The following CCDC15 variants were observed in gnomAD, a reference collection of about 807,000 sequenced individuals.
CCDC15 encodes the protein coiled-coil domain-containing protein 15.
CCDC15 carries 105 observed loss-of-function variants against 114.5 expected under a neutral mutation model. That is an observed-to-expected ratio of 0.92 (90% CI 0.78 to 1.08). The LOEUF is 1.08. Ranked by LOEUF, CCDC15 falls within the 50% of genes least tolerant of loss-of-function variation. The probability of loss-of-function intolerance (pLI) is 0.00; values close to 1 mark genes in which losing one functional copy is unlikely to be tolerated. For synonymous variants in CCDC15, 334 were observed against 377.8 expected (o/e 0.88, Z 1.34); for missense variants, 1,105 against 1,093.6 (o/e 1.01, Z -0.15).
rs1230205532 is a variant in CCDC15 at position 124,959,943 on chromosome 11, T to C, written c.456T>C (p.Pro152=). 3.8e-6 allele frequency: 6 copies of C among 1,585,202 alleles called. No individual in the cohort carries two copies. The highest frequency in any genetic ancestry group is 5.2e-6 in the Non-Finnish European group (6 of 1,163,792). ...GSSRLPPSLM[P]GDGIEDEENQ... ...CTAGGTTACCTCCTTCCCTGATGCCTGGGGATGGAATAGAGGATGAAGAGA... is the reference window on the plus strand; with the variant it reads ...CTAGGTTACCTCCTTCCCTGATGCCCGGGGATGGAATAGAGGATGAAGAGA... Residue 152 remains proline, a synonymous_variant, in exon 4 of 16, where the codon CCT becomes CCC. Coordinates refer to ENST00000344762, the MANE Select transcript of CCDC15 (RefSeq NM_025004.3).
chr11:125,009,914 C>T (rs1436278780), intron 13 of CCDC15, among the ~76,000 whole-genome samples: 1 of 152,116 alleles, frequency 6.6e-6, no homozygotes, highest in Admixed American at 6.5e-5. Flanking sequence ...CTGATGGGCA[C>T]CTAGGTTGAT....
At position 124,988,057 on chromosome 11, in the gene CCDC15, A is replaced by G; in HGVS notation, c.1831A>G (p.Arg611Gly). ...ATGTCAGGACCGGGATTTTCTACCC[A>G]GAGACCTGCATGTTCTCTCCAACGA... ...PICQDRDFLP[R>G]DLHVLSNDQN... The change falls in exon 8 of 16, where the codon AGA (arginine) becomes GGA (glycine). Residue 611 changes from arginine (R) to glycine (G), a missense_variant. Physicochemically the swap from Arg to Gly is moderately radical, Grantham distance 125. Coordinates refer to ENST00000344762, the MANE Select transcript of CCDC15 (RefSeq NM_025004.3). The G allele has an allele frequency of 4.3e-6, 7 of 1,614,042 alleles. No individual in the cohort carries two copies. Among genetic ancestry groups the G allele is most frequent in the Non-Finnish European group, 5.9e-6 (7 of 1,179,886 alleles).
chr11:124,977,624 G>A, intron 6 of CCDC15, 24 bp downstream of exon 6: 2 of 1,592,326 alleles, frequency 1.3e-6, no homozygotes, highest in South Asian at 2.3e-5. Flanking sequence ...AAAAGTAGAG[G>A]GGAAAGACAT....
At chr11:124,965,288 G>T (rs532481221) in intron 4 of CCDC15, among the ~76,000 whole-genome samples, 1 of 152,194 alleles carries the variant, frequency 6.6e-6, no homozygotes, top group African/African-American at 2.4e-5. Flanking sequence ...TTTTTGGTTG[G>T]TAGGCTATTA....
intron 13 of CCDC15, among the ~76,000 whole-genome samples, chr11:125,036,319 A>G (rs1948773964): frequency 1.4e-5 from 1 of 70,366 alleles, no homozygotes; most frequent in Admixed American, 1.2e-4. Context: ...CTGGCCTGCA[A>G]GGCTTCCACT....
intron 11 of CCDC15, among the ~76,000 whole-genome samples, chr11:124,994,508 T>G (rs1411138911): frequency 6.6e-6 from 1 of 152,214 alleles, no homozygotes; most frequent in East Asian, 1.9e-4. Flanking sequence ...TAGATGTATT[T>G]TTATAAAAGG....
intron 13 of CCDC15, among the ~76,000 whole-genome samples, chr11:125,037,249 C>T (rs911861386): frequency 3.9e-5 from 6 of 152,094 alleles, no homozygotes; most frequent in Non-Finnish European, 5.9e-5. Context: ...AGTGTTTATT[C>T]CCTACTGCTC....
At chr11:124,955,035 T>C in intron 2 of CCDC15, 126 bp downstream of exon 2, 2 of 846,302 alleles carry the variant, frequency 2.4e-6, no homozygotes, top group Non-Finnish European at 3.6e-6. Flanking sequence ...ATAAATAGTT[T>C]ATGCTCTTGC....
In CCDC15 at chr11:124,977,545, AG is replaced by A; in HGVS notation, c.700del (p.Val234SerfsTer6). ...GGAATAAGAGGAGAGTTGCCCATTA[AG>A]GTCCATCAAGGTCTTTTAGCTGCTG... is the stretch of plus-strand genomic sequence containing the variant. The part of the protein sequence containing the change: ...NTGIRGELPI[K>X]VHQGLLAAVP... On this transcript the variant is annotated frameshift_variant, in exon 6 of 16. Coordinates refer to ENST00000344762, the MANE Select transcript of CCDC15 (RefSeq NM_025004.3). LOFTEE classifies it high-confidence loss of function. 1 of 1,609,274 alleles carries A rather than the reference AG, an allele frequency of 6.2e-7. No homozygotes were observed. Among genetic ancestry groups the A allele is most frequent in the Non-Finnish European group, 8.5e-7 (1 of 1,177,576 alleles).
intron 12 of CCDC15, among the ~76,000 whole-genome samples, chr11:125,004,857 A>T (rs1466473778): frequency 6.6e-6 from 1 of 152,112 alleles, no homozygotes; most frequent in Non-Finnish European, 1.5e-5. Flanking sequence ...ATTTCAGAGT[A>T]ACAGAGTAAA....
Position 125,005,126 on chromosome 11 carries a change from G to T in CCDC15, c.2325G>T (p.Leu775=). Residue 775 remains leucine, a synonymous_variant, in exon 13 of 16, where the codon CTG becomes CTT. Transcript: ENST00000344762. ...ACCTTTAGCGTCAAAAGCAGTACCT[G>T]AGACATAGACGACTTTTCATGGATA... ...EDKKERQKQY[L]RHRRLFMDIE... is the part of the protein sequence containing the mutation. 6.5e-7 allele frequency: 1 copy of T among 1,539,040 alleles called. No individual in the cohort carries two copies. The highest frequency in any genetic ancestry group is 2.3e-5 in the East Asian group (1 of 43,018).
At chr11:124,979,591 T>C (rs2135467088) in intron 6 of CCDC15, among the ~76,000 whole-genome samples, 1 of 152,258 alleles carries the variant, frequency 6.6e-6, no homozygotes, top group Non-Finnish European at 1.5e-5. Flanking sequence ...TTGGGTATTG[T>C]TGGTGTATAG....
intron 13 of CCDC15, among the ~76,000 whole-genome samples, chr11:125,020,169 C>A (rs1264160592): frequency 6.6e-6 from 1 of 151,924 alleles, no homozygotes; most frequent in Non-Finnish European, 1.5e-5. Context: ...GATCTTAATT[C>A]TGTTATATCA....
At chr11:124,966,117 G>T (rs1947775447) in intron 4 of CCDC15, among the ~76,000 whole-genome samples, 2 of 152,204 alleles carry the variant, frequency 1.3e-5, no homozygotes. Context: ...TGTATATTCT[G>T]TTGATTTGGG....
intron 6 of CCDC15, among the ~76,000 whole-genome samples, chr11:124,983,449 GA>G (rs1270399678): frequency 1.3e-5 from 2 of 151,810 alleles, no homozygotes; most frequent in African/African-American, 4.8e-5. Flanking sequence ...CTATCCTTTG[GA>G]TTTTTTTTTT....
At chr11:125,000,616 T>C (rs1201957498) in intron 11 of CCDC15, among the ~76,000 whole-genome samples, 3 of 152,224 alleles carry the variant, frequency 2.0e-5, no homozygotes, top group African/African-American at 7.2e-5. Context: ...TCATTTTTAT[T>C]GTAGAGAAGA....
rs760393725 is a variant in CCDC15 at position 124,988,088 on chromosome 11, A to G, written c.1862A>G (p.Asn621Ser). 10 of 1,613,942 alleles carry G rather than the reference A, an allele frequency of 6.2e-6. No homozygotes were observed. Among genetic ancestry groups the G allele is most frequent in the South Asian group, 1.1e-5 (1 of 91,040 alleles). ...CTGCATGTTCTCTCCAACGACCAGAATATTCTACCCAAATGTCAGGACCAA... is the reference window on the plus strand; with the variant it reads ...CTGCATGTTCTCTCCAACGACCAGAGTATTCTACCCAAATGTCAGGACCAA... Reference protein sequence around the residue: ...RDLHVLSNDQNILPKCQDQDF... With the variant: ...RDLHVLSNDQSILPKCQDQDF... The change falls in exon 8 of 16, where the codon AAT (asparagine) becomes AGT (serine). Residue 621 changes from asparagine (N) to serine (S), a missense_variant. Physicochemically the swap from Asn to Ser is conservative, Grantham distance 46 (BLOSUM62 1). Transcript: ENST00000344762.
At position 125,011,482 on chromosome 11, in the gene CCDC15, C is replaced by T. The variant is rs554629783; in HGVS notation, c.2411+6270C>T. 4.6e-5 allele frequency among the ~76,000 whole-genome samples: 7 copies of T among 152,034 alleles called. No homozygotes were observed. In the South Asian group the frequency reaches 6.2e-4, roughly 14 times the overall value. ...CGAACTCCTGACCTCGTGATCCACC[C>T]GCCTCAGCCTCCCAATGTGCTGGGA... On this transcript the variant is annotated intron_variant, in intron 13 of 15. Coordinates refer to ENST00000344762, the MANE Select transcript of CCDC15 (RefSeq NM_025004.3).
chr11:125,034,750 A>G (rs948942528), intron 13 of CCDC15, among the ~76,000 whole-genome samples: 1 of 152,134 alleles, frequency 6.6e-6, no homozygotes, highest in Non-Finnish European at 1.5e-5. Context: ...TCTCCATACT[A>G]TTAGAAGTAG....
Sources: allele counts gnomAD v4.1 joint callset (sites outside exome capture counted in the v4.1 genomes callset), GRCh38; gene constraint gnomAD v4.1.1; transcripts MANE v1.5; gene names NCBI Gene and HGNC (gene_info 2026-07-23, HGNC 2026-07-21).